The following PDZRN4 variants were observed in gnomAD, a reference collection of about 807,000 sequenced individuals.
PDZRN4 encodes PDZ domain-containing RING finger protein 4.
PDZRN4 carries 70 observed loss-of-function variants against 99.0 expected under a neutral mutation model. The observed-to-expected ratio is 0.71, with a 90% CI of 0.58 to 0.86. The LOEUF is 0.86. Among genes scored for constraint, PDZRN4 ranks in the 40% least tolerant of loss-of-function variants. The pLI is 0.00. For missense variants in PDZRN4, 1,474 were observed against 1,331.2 expected (o/e 1.11, Z -1.67); for synonymous variants, 551 against 501.6 (o/e 1.10, Z -1.32).
At chr12:41,547,050 T>A (rs1938965406) in intron 5 of PDZRN4, among the ~76,000 whole-genome samples, 1 of 152,174 alleles carries the variant, frequency 6.6e-6, no homozygotes, top group African/African-American at 2.4e-5. Flanking sequence ...AAACTCAACA[T>A]TCAACTATGA....
intron 3 of PDZRN4, among the ~76,000 whole-genome samples, chr12:41,496,438 T>C (rs748400054): frequency 4.6e-5 from 7 of 152,064 alleles, no homozygotes; most frequent in Admixed American, 2.0e-4. Flanking sequence ...CATGAAGAAG[T>C]AGAGGCTCAT....
intron 3 of PDZRN4, among the ~76,000 whole-genome samples, chr12:41,202,006 A>G (rs1250021165): frequency 6.6e-6 from 1 of 152,200 alleles, no homozygotes; most frequent in Admixed American, 6.6e-5. Flanking sequence ...CAGAATTTAC[A>G]TGCTTGCCTG....
Position 41,506,496 on chromosome 12 carries a change from C to G in PDZRN4, c.884C>G (p.Ala295Gly), listed in dbSNP as rs1459516731. 1 of 1,613,358 alleles carries G rather than the reference C, an allele frequency of 6.2e-7. No homozygotes were observed. Among genetic ancestry groups the G allele is most frequent in the Non-Finnish European group, 8.5e-7 (1 of 1,179,648 alleles). Residue 295 changes from alanine to glycine, a missense_variant, in exon 4 of 10, where the codon GCA (alanine) becomes GGA (glycine). By Grantham distance (60) the Ala-to-Gly change is moderately conservative (BLOSUM62 0). Transcript: ENST00000402685. The part of the protein sequence containing the change: ...KDLSKATHEE[A>G]VEAFRNAKEP... ...CTTTCAAAGGCCACTCATGAAGAGGCAGTGGAAGCTTTTCGCAATGCCAAG... is the reference window on the plus strand; with the variant it reads ...CTTTCAAAGGCCACTCATGAAGAGGGAGTGGAAGCTTTTCGCAATGCCAAG...
At chr12:41,514,434 C>T (rs1346945380) in intron 5 of PDZRN4, among the ~76,000 whole-genome samples, 1 of 151,848 alleles carries the variant, frequency 6.6e-6, no homozygotes, top group African/African-American at 2.4e-5. Flanking sequence ...CAAAAAATAA[C>T]AAGAGGATAA....
chr12:41,232,055 T>A (rs1043656341), intron 3 of PDZRN4, among the ~76,000 whole-genome samples: 9 of 151,372 alleles, frequency 5.9e-5, no homozygotes, highest in Non-Finnish European at 8.8e-5. Context: ...ATAAAAAAAT[T>A]TTTTTTGACT....
chr12:41,540,839 T>C (rs548580591), intron 5 of PDZRN4, among the ~76,000 whole-genome samples: 21 of 151,002 alleles, frequency 1.4e-4, no homozygotes, highest in African/African-American at 4.7e-4. Context: ...ACTGCAGCCC[T>C]ACAGCCCCAA....
chr12:41,194,766 T>C (rs3858726), intron 3 of PDZRN4, among the ~76,000 whole-genome samples: 97,982 of 152,058 alleles, frequency 0.64, 31,714 homozygotes, highest in South Asian at 0.69. Context: ...TAACCTGTGT[T>C]TCCCATGAAC....
At chr12:41,297,519 T>G (rs1951504244) in intron 3 of PDZRN4, among the ~76,000 whole-genome samples, 1 of 152,184 alleles carries the variant, frequency 6.6e-6, no homozygotes, top group Non-Finnish European at 1.5e-5. Context: ...CTCTGAATCT[T>G]ATTTTGAACT....
At chr12:41,299,544 C>G (rs926055611) in intron 3 of PDZRN4, among the ~76,000 whole-genome samples, 1 of 151,938 alleles carries the variant, frequency 6.6e-6, no homozygotes, top group African/African-American at 2.4e-5. Context: ...TTAGATGACA[C>G]CCTTATAATA....
rs570835720 is a variant in PDZRN4, at chr12:41,411,698, A to C, written c.844-94758A>C. ...TTAATTGAAGCAAGAATGCTATTTC[A>C]AGTAAAATACATCAAAAGGCATTTC... On this transcript the variant is annotated intron_variant, in intron 3 of 9. Coordinates refer to ENST00000402685, the MANE Select transcript of PDZRN4 (RefSeq NM_001164595.2). 7 of 152,356 alleles carry C rather than the reference A, an allele frequency of 4.6e-5. No individual in the cohort carries two copies. The South Asian group carries it at 1.5e-3, about 32-fold the overall frequency. 9.4% of individuals were successfully genotyped at this position (152,356 alleles called of 1,614,324 possible).
chr12:41,560,494 T>C (rs1939250769), intron 7 of PDZRN4, among the ~76,000 whole-genome samples: 1 of 152,174 alleles, frequency 6.6e-6, no homozygotes, highest in Admixed American at 6.5e-5. Context: ...CATTTACATA[T>C]GGCCATGTAA....
intron 3 of PDZRN4, among the ~76,000 whole-genome samples, chr12:41,258,278 A>C (rs2120824834): frequency 6.6e-6 from 1 of 152,258 alleles, no homozygotes; most frequent in South Asian, 2.1e-4. Context: ...ATCTTGTTTA[A>C]TTTTTAGCCA....
rs7304306 is a variant in PDZRN4 at position 41,351,591 on chromosome 12, C to T, written c.844-154865C>T. On this transcript the variant is annotated intron_variant, in intron 3 of 9. Coordinates refer to ENST00000402685, the MANE Select transcript of PDZRN4 (RefSeq NM_001164595.2). ...CATGGCCAGAAGGAGAGAGAGAGAA[C>T]GGGGAGGTGCTACACACTTTCAAAC... Among the ~76,000 whole-genome samples, 498 of 151,586 alleles carry T rather than the reference C, an allele frequency of 3.3e-3. 18 individuals are homozygous for T. In the East Asian group the frequency reaches 0.087, roughly 27 times the overall value.
chr12:41,547,521 G>A (rs990901756), intron 5 of PDZRN4, among the ~76,000 whole-genome samples: 9 of 152,100 alleles, frequency 5.9e-5, no homozygotes, highest in African/African-American at 2.2e-4. Context: ...AGCTACTAAG[G>A]AGGCTGAGAC....
intron 3 of PDZRN4, among the ~76,000 whole-genome samples, chr12:41,197,920 G>GTTTTTTTTTTT (rs533696414): frequency 3.5e-5 from 4 of 115,600 alleles, no homozygotes; most frequent in South Asian, 3.0e-4. Flanking sequence ...TTTTTTCTGG[G>GTTTTTTTTTTT]TTTTTTTTTT....
At chr12:41,445,956 C>T (rs1952723686) in intron 3 of PDZRN4, among the ~76,000 whole-genome samples, 1 of 152,056 alleles carries the variant, frequency 6.6e-6, no homozygotes, top group Non-Finnish European at 1.5e-5. Flanking sequence ...TGTCCCATCT[C>T]CATCTCCCTT....
Position 41,502,940 on chromosome 12 carries a change from G to C in PDZRN4, c.844-3516G>C, listed in dbSNP as rs1021714239. 3.3e-5 allele frequency among the ~76,000 whole-genome samples: 5 copies of C among 151,982 alleles called. No homozygotes were observed. In the South Asian group the frequency reaches 1.0e-3, roughly 32 times the overall value. On this transcript the variant is annotated intron_variant, in intron 3 of 9. Transcript: ENST00000402685. ...TGTTGTTAACAAACTTCTCCTAGAG[G>C]GTTAACTGTAGATATTCTTCCCATA...
chr12:41,520,048 T>C (rs1236983889), intron 5 of PDZRN4, among the ~76,000 whole-genome samples: 2 of 152,136 alleles, frequency 1.3e-5, no homozygotes, highest in Non-Finnish European at 2.9e-5. Context: ...TTTTTTGTTT[T>C]TGTTCTTGCT....
chr12:41,547,806 T>G (rs1175308814), intron 5 of PDZRN4, among the ~76,000 whole-genome samples: 1 of 151,998 alleles, frequency 6.6e-6, no homozygotes, highest in Non-Finnish European at 1.5e-5. Flanking sequence ...TTTCCTTCTT[T>G]GTTAAGGTAT....
Sources: allele counts gnomAD v4.1 joint callset (sites outside exome capture counted in the v4.1 genomes callset), GRCh38; gene constraint gnomAD v4.1.1; transcripts MANE v1.5; gene names NCBI Gene and HGNC (gene_info 2026-07-23, HGNC 2026-07-21).